Variants in WWOX observed in about 807,000 individuals in gnomAD.
WWOX encodes WW domain containing oxidoreductase, also known as WW domain-containing oxidoreductase.
In WWOX, 69 loss-of-function variants were observed where a neutral mutation model predicts 46.2. That is an observed-to-expected ratio of 1.49 (90% CI 1.23 to 1.82). The LOEUF (loss-of-function observed/expected upper bound fraction) is 1.82. WWOX is among the 40% of genes most tolerant of loss of function. The pLI is 0.00. For missense variants in WWOX, 919 were observed against 542.6 expected, an observed-to-expected ratio of 1.69 and a Z score of -6.89; for synonymous variants, 359 against 202.6, an observed-to-expected ratio of 1.77 and a Z score of -6.56.
intron 8 of WWOX, among the ~76,000 whole-genome samples, chr16:78,817,988 C>T (rs1448625376): frequency 6.6e-5 from 10 of 152,092 alleles, no homozygotes; most frequent in South Asian, 2.1e-4. Flanking sequence ...GGGAAGAAAA[C>T]GAAGATGGAG....
At position 78,688,593 on chromosome 16, in the gene WWOX, C is replaced by G. The variant is rs371439889; in HGVS notation, c.1056+255841C>G. On this transcript the variant is annotated intron_variant, in intron 8 of 8. Coordinates refer to ENST00000566780, the MANE Select transcript of WWOX (RefSeq NM_016373.4). Reference sequence around the variant, plus strand: ...CATCCTGCAGGAGTTTTGCAGCCATCCTTCCAGCCACTGCTTCTCTACCGG... The same window carrying G: ...CATCCTGCAGGAGTTTTGCAGCCATGCTTCCAGCCACTGCTTCTCTACCGG... 7.2e-5 allele frequency among the ~76,000 whole-genome samples: 11 copies of G among 152,138 alleles called. No individual in the cohort carries two copies. In the East Asian group the frequency reaches 1.2e-3, roughly 16 times the overall value.
At chr16:78,702,017 A>ATATATT (rs2048229309) in intron 8 of WWOX, among the ~76,000 whole-genome samples, 1 of 114,906 alleles carries the variant, frequency 8.7e-6, no homozygotes, top group South Asian at 2.4e-4. Flanking sequence ...TTATATATAT[A>ATATATT]TATATATATA....
At chr16:78,924,382 A>T (rs1040044969) in intron 8 of WWOX, among the ~76,000 whole-genome samples, 3 of 152,308 alleles carry the variant, frequency 2.0e-5, no homozygotes, top group African/African-American at 7.2e-5. Flanking sequence ...CAAAAATGGA[A>T]CTTGTCTATC....
At position 78,481,764 on chromosome 16, in the gene WWOX, T is replaced by TGCGC. The variant is rs1555547243; in HGVS notation, c.1056+49017_1056+49020dup. Among the ~76,000 whole-genome samples the TGCGC allele has an allele frequency of 5.9e-3, 868 of 148,008 alleles. 8 individuals carry two copies. Among genetic ancestry groups the TGCGC allele is most frequent in the African/African-American group, 0.019 (767 of 39,904 alleles). ...GTGTGTGTGTGTGTGTGTGTGTGTG[T>TGCGC]GCGCGCGCCTGCATGTGTACTGTGG... On this transcript the variant is annotated intron_variant, in intron 8 of 8. Transcript: ENST00000566780.
At chr16:78,438,026 C>T (rs937746949) in intron 8 of WWOX, among the ~76,000 whole-genome samples, 3 of 152,092 alleles carry the variant, frequency 2.0e-5, no homozygotes, top group Non-Finnish European at 2.9e-5. Flanking sequence ...ATCTGGTGCA[C>T]ATAAGGGATT....
intron 6 of WWOX, among the ~76,000 whole-genome samples, chr16:78,423,337 C>A (rs148211533): frequency 4.6e-5 from 7 of 152,124 alleles, no homozygotes; most frequent in African/African-American, 1.7e-4. Flanking sequence ...ATTTTAATGG[C>A]TGCATAGTAT....
rs939384327 is a variant in WWOX at position 78,653,552 on chromosome 16, A to G, written c.1056+220800A>G. On this transcript the variant is annotated intron_variant, in intron 8 of 8. Transcript: ENST00000566780. ...CCTACTCCTAAAAGAGATACACAGGAAGAGAGACCTTCTGCTTCCTCTGGA... is the reference window on the plus strand; with the variant it reads ...CCTACTCCTAAAAGAGATACACAGGGAGAGAGACCTTCTGCTTCCTCTGGA... 5.5e-4 allele frequency among the ~76,000 whole-genome samples: 84 copies of G among 152,364 alleles called. 1 individual carries two copies. The highest frequency in any genetic ancestry group is 1.7e-3 in the African/African-American group (71 of 41,592).
intron 5 of WWOX, among the ~76,000 whole-genome samples, chr16:78,235,480 C>G (rs1379354286): frequency 1.3e-5 from 2 of 152,186 alleles, no homozygotes; most frequent in African/African-American, 2.4e-5. Flanking sequence ...ATCCTTGCCC[C>G]TAAGCATGGA....
At chr16:78,217,717 TC>T (rs1395147640) in intron 5 of WWOX, among the ~76,000 whole-genome samples, 3 of 152,082 alleles carry the variant, frequency 2.0e-5, no homozygotes, top group African/African-American at 7.2e-5. Flanking sequence ...ATGCATTCTT[TC>T]AGCAGACAGT....
chr16:78,636,549 G>A (rs1260564626), intron 8 of WWOX, among the ~76,000 whole-genome samples: 4 of 152,032 alleles, frequency 2.6e-5, no homozygotes, highest in South Asian at 4.2e-4. Flanking sequence ...CTCCCCATCC[G>A]CCATTCTCAG....
intron 5 of WWOX, among the ~76,000 whole-genome samples, chr16:78,386,303 G>C (rs1458330927): frequency 6.6e-6 from 1 of 152,152 alleles, no homozygotes; most frequent in East Asian, 1.9e-4. Flanking sequence ...TGTTGATAGA[G>C]TTTTCTGGGT....
At chr16:78,882,217 T>C (rs1162007208) in intron 8 of WWOX, among the ~76,000 whole-genome samples, 2 of 152,218 alleles carry the variant, frequency 1.3e-5, no homozygotes, top group African/African-American at 4.8e-5. Flanking sequence ...AAGCCAATAC[T>C]TTCTAACATG....
At chr16:78,460,252 C>A (rs2083918911) in intron 8 of WWOX, among the ~76,000 whole-genome samples, 1 of 152,122 alleles carries the variant, frequency 6.6e-6, no homozygotes, top group South Asian at 2.1e-4. Flanking sequence ...CTCAGCCTTC[C>A]AAGTAGCTGG....
chr16:78,337,273 T>C (rs912481870), intron 5 of WWOX, among the ~76,000 whole-genome samples: 8 of 152,284 alleles, frequency 5.3e-5, no homozygotes, highest in East Asian at 1.9e-4. Context: ...GTGGTTTGTT[T>C]TTTTATTCCT....
chr16:78,921,165 T>G (rs1157370462), intron 8 of WWOX, among the ~76,000 whole-genome samples: 1 of 152,202 alleles, frequency 6.6e-6, no homozygotes, highest in East Asian at 1.9e-4. Flanking sequence ...AGGGAACTTT[T>G]TTTTTCAAAC....
chr16:78,833,905 G>T (rs1597693221), intron 8 of WWOX, among the ~76,000 whole-genome samples: 1 of 152,334 alleles, frequency 6.6e-6, no homozygotes, highest in Non-Finnish European at 1.5e-5. Flanking sequence ...GTCTCCCAGT[G>T]GAATATAAGT....
chr16:79,121,395 C>T (rs1352762504), intron 8 of WWOX, among the ~76,000 whole-genome samples: 2 of 152,174 alleles, frequency 1.3e-5, no homozygotes, highest in African/African-American at 4.8e-5. Flanking sequence ...GAATATATAA[C>T]ATGGCTTAGA....
intron 5 of WWOX, among the ~76,000 whole-genome samples, chr16:78,169,860 G>C (rs2035097557): frequency 6.6e-6 from 1 of 152,140 alleles, no homozygotes. Context: ...ATGCCTGCCA[G>C]GCCCTCACTA....
At chr16:78,293,970 C>G (rs1394148703) in intron 5 of WWOX, among the ~76,000 whole-genome samples, 2 of 95,128 alleles carry the variant, frequency 2.1e-5, no homozygotes, top group African/African-American at 8.0e-5. Flanking sequence ...GAGTGAGACT[C>G]TGTCTCAGAA....
Sources: allele counts gnomAD v4.1 joint callset (sites outside exome capture counted in the v4.1 genomes callset), GRCh38; gene constraint gnomAD v4.1.1; transcripts MANE v1.5; gene names NCBI Gene and HGNC (gene_info 2026-07-23, HGNC 2026-07-21).